Variants in PWWP2A observed in about 807,000 individuals in gnomAD.
The protein encoded by PWWP2A is PWWP domain containing 2A.
A neutral mutation model predicts 48.5 loss-of-function variants in PWWP2A; 18 were observed. The observed-to-expected ratio is 0.37, with a 90% confidence interval of 0.26 to 0.55. PWWP2A has a LOEUF of 0.55. PWWP2A is among the 20% of genes least tolerant of loss of function. The pLI, the probability that PWWP2A is intolerant of heterozygous loss-of-function variation, is 0.81. For missense variants in PWWP2A, 867 were observed against 976.4 expected (o/e 0.89, Z 1.49); for synonymous variants, 396 against 387.7 (o/e 1.02, Z -0.25).
chr5:160,049,935 C>T, the PWWP2A span, among the ~76,000 whole-genome samples: 37 of 151,790 alleles, frequency 2.4e-4, no homozygotes, highest in Admixed American at 4.6e-4. Flanking sequence ...AAAAATTAGC[C>T]GGGTGTGGTC....
downstream of PWWP2A, chr5:160,091,026 T>C (rs1755014111): frequency 1.0e-6 from 1 of 984,984 alleles, no homozygotes; most frequent in African/African-American, 1.7e-5. Context: ...ATTACCCGAA[T>C]GTAAAAAAAG....
chr5:160,107,943 G>A (rs1757066684), intron 1 of PWWP2A, among the ~76,000 whole-genome samples: 1 of 151,992 alleles, frequency 6.6e-6, no homozygotes, highest in Non-Finnish European at 1.5e-5. Context: ...GGAGGTTCCA[G>A]TGAGCCAAGA....
chr5:160,055,953 A>G, the PWWP2A span, among the ~76,000 whole-genome samples: 2 of 152,332 alleles, frequency 1.3e-5, no homozygotes, highest in East Asian at 3.9e-4. Context: ...CACTGGAGGA[A>G]TAGAGTCAGT....
At chr5:160,118,079 T>G (rs911510846) in intron 1 of PWWP2A, among the ~76,000 whole-genome samples, 4 of 152,228 alleles carry the variant, frequency 2.6e-5, no homozygotes, top group African/African-American at 4.8e-5. Context: ...CCTTAATACA[T>G]AAACTGAATC....
intron 2 of PWWP2A, among the ~76,000 whole-genome samples, chr5:160,068,425 C>T (rs918550919): frequency 6.6e-6 from 1 of 151,872 alleles, no homozygotes; most frequent in Non-Finnish European, 1.5e-5. Flanking sequence ...TGTGGTGAAA[C>T]CTCGTCTCTA....
chr5:160,108,519 T>C (rs1230974919), intron 1 of PWWP2A: 2 of 1,187,448 alleles, frequency 1.7e-6, no homozygotes, highest in South Asian at 2.5e-5. Flanking sequence ...GACACTGTAG[T>C]ATAAGCTACT....
intron 1 of PWWP2A, among the ~76,000 whole-genome samples, chr5:160,100,038 C>G (rs764125851): frequency 6.6e-6 from 1 of 151,930 alleles, no homozygotes. Flanking sequence ...CAGTGGCTCA[C>G]GCCTGTAATC....
intron 2 of PWWP2A, among the ~76,000 whole-genome samples, chr5:160,083,303 C>A (rs1490145100): frequency 6.6e-6 from 1 of 152,130 alleles, no homozygotes; most frequent in Non-Finnish European, 1.5e-5. Context: ...TTGTGATTAA[C>A]AGCATCCCCA....
At chr5:160,100,549 T>C (rs1756165295) in intron 1 of PWWP2A, among the ~76,000 whole-genome samples, 1 of 151,910 alleles carries the variant, frequency 6.6e-6, no homozygotes, top group Admixed American at 6.6e-5. Context: ...GGAGGATAGC[T>C]TCAGGCCAGG....
intron 2 of PWWP2A, among the ~76,000 whole-genome samples, chr5:160,084,467 C>A (rs1213808057): frequency 6.6e-6 from 1 of 152,174 alleles, no homozygotes; most frequent in South Asian, 2.1e-4. Flanking sequence ...CTCACTCTGT[C>A]GCCCAAGCTG....
intron 1 of PWWP2A, among the ~76,000 whole-genome samples, chr5:160,097,707 G>GC (rs1491205700): frequency 1.9e-4 from 3 of 16,110 alleles, no homozygotes; most frequent in Admixed American, 4.8e-4. Context: ...TTTTTTTTTT[G>GC]GGGGGGGGGG....
At chr5:160,076,958 G>A (rs1340232158) in exon 4 of PWWP2A, 1 of 152,108 alleles carries the variant, frequency 6.6e-6, no homozygotes, top group Non-Finnish European at 1.5e-5. Flanking sequence ...ATTATTAAAA[G>A]TACGGCACCA....
intron 1 of PWWP2A, among the ~76,000 whole-genome samples, chr5:160,109,777 ATAT>A (rs1757307226): frequency 6.5e-4 from 21 of 32,548 alleles, no homozygotes; most frequent in East Asian, 2.3e-3. Flanking sequence ...AAAAAAAAAT[ATAT>A]ATATATATAT....
intron 2 of PWWP2A, among the ~76,000 whole-genome samples, chr5:160,070,554 TGTG>T (rs552578393): frequency 1.2e-4 from 19 of 152,324 alleles, no homozygotes; most frequent in African/African-American, 4.6e-4. Flanking sequence ...GCCAGTTTGT[TGTG>T]GTTGTTTTTT....
At chr5:160,109,958 GA>G (rs1315855329) in intron 1 of PWWP2A, among the ~76,000 whole-genome samples, 1 of 150,450 alleles carries the variant, frequency 6.6e-6, no homozygotes, top group Non-Finnish European at 1.5e-5. Context: ...TGCAATGTAT[GA>G]GCTTTATTTG....
At chr5:160,073,549 AG>A (rs937991571), downstream of PWWP2A, among the ~76,000 whole-genome samples, 1 of 152,034 alleles carries the variant, frequency 6.6e-6, no homozygotes, top group Non-Finnish European at 1.5e-5. Context: ...AACATCACCA[AG>A]CCACTTTCCC....
Position 160,064,001 on chromosome 5 carries a change from C to G in PWWP2A, c.*237-328G>C, listed in dbSNP as rs372880014. ...TTTTTTTTTTTGAGACGGAGTCTCA[C>G]TCTGTCACCCAGGCTGGAGTGCAGT... On this transcript the variant is annotated intron_variant and NMD_transcript_variant, in intron 4 of 5. Transcript: ENST00000524050. Among the ~76,000 whole-genome samples the G allele has an allele frequency of 1.1e-4, 16 of 141,370 alleles. No individual in the cohort carries two copies. The East Asian group carries it at 3.3e-3, about 29-fold the overall frequency. The allele number at this position is 141,370 out of a possible 152,430, so 92.7% of individuals were successfully genotyped here. A position where few individuals can be genotyped will look rare whatever the true frequency, so the allele number is the denominator to read the frequency against.
At chr5:160,098,888 A>T (rs552038124) in intron 1 of PWWP2A, among the ~76,000 whole-genome samples, 1 of 152,310 alleles carries the variant, frequency 6.6e-6, no homozygotes, top group African/African-American at 2.4e-5. Context: ...GTGAGCTGAG[A>T]TCACGCCACT....
Position 160,113,647 on chromosome 5 carries a change from C to A in PWWP2A, c.584+5158G>T, listed in dbSNP as rs532849934. 2.0e-5 allele frequency among the ~76,000 whole-genome samples: 3 copies of A among 152,304 alleles called. No individual in the cohort carries two copies. The East Asian group carries it at 5.8e-4, about 29-fold the overall frequency. On this transcript the variant is annotated intron_variant, in intron 1 of 1. Coordinates refer to ENST00000307063, the MANE Select transcript of PWWP2A (RefSeq NM_001130864.2). ...AAAACTTCAGAGCTTACTATGTATT[C>A]CCCGGTATTCAGCTAAGGAACTAGT...
Sources: allele counts gnomAD v4.1 joint callset (sites outside exome capture counted in the v4.1 genomes callset), GRCh38; gene constraint gnomAD v4.1.1; transcripts MANE v1.5; gene names NCBI Gene and HGNC (gene_info 2026-07-23, HGNC 2026-07-21).